The following CELF4 variants were observed in gnomAD, a reference collection of about 807,000 sequenced individuals.
CELF4 encodes the protein CUGBP Elav-like family member 4, also known as CUG-BP- and ETR-3-like factor 4.
In CELF4, 18 loss-of-function variants were observed where a neutral mutation model predicts 59.9. The observed-to-expected ratio is 0.30, with a 90% confidence interval of 0.21 to 0.45. The LOEUF (loss-of-function observed/expected upper bound fraction) is 0.45. Among genes scored for constraint, CELF4 ranks in the 20% least tolerant of loss-of-function variants. The probability of loss-of-function intolerance (pLI) is 1.00; values close to 1 mark genes in which losing one functional copy is unlikely to be tolerated. For missense variants in CELF4, 456 were observed against 689.0 expected (o/e 0.66, Z 3.79); for synonymous variants, 261 against 267.1 (o/e 0.98, Z 0.22).
intron 3 of CELF4, among the ~76,000 whole-genome samples, chr18:37,302,948 G>C (rs919146537): frequency 2.0e-5 from 3 of 152,136 alleles, no homozygotes; most frequent in Non-Finnish European, 4.4e-5. Context: ...ACAGAGGAGG[G>C]GTGGGAGAGG....
intron 2 of CELF4, among the ~76,000 whole-genome samples, chr18:37,352,884 G>T (rs540237067): frequency 6.6e-6 from 1 of 152,106 alleles, no homozygotes; most frequent in Non-Finnish European, 1.5e-5. Flanking sequence ...GTGGAACAGC[G>T]CCTTGCCATT....
At chr18:37,364,188 C>T (rs1348972816) in intron 2 of CELF4, among the ~76,000 whole-genome samples, 3 of 152,212 alleles carry the variant, frequency 2.0e-5, no homozygotes, top group African/African-American at 7.2e-5. Flanking sequence ...TCAGTGGGTG[C>T]ATGTGCCCCT....
At chr18:37,489,108 C>T (rs1009877347) in intron 1 of CELF4, among the ~76,000 whole-genome samples, 8 of 152,338 alleles carry the variant, frequency 5.3e-5, no homozygotes, top group Non-Finnish European at 1.0e-4. Flanking sequence ...GAGGCGGGAG[C>T]GGCTGGATAT....
intron 2 of CELF4, among the ~76,000 whole-genome samples, chr18:37,443,027 C>A (rs867153922): frequency 6.6e-6 from 1 of 152,170 alleles, no homozygotes; most frequent in Admixed American, 6.5e-5. Flanking sequence ...GACTTCTGCA[C>A]GTGTGGCCAA....
At chr18:37,409,339 A>T (rs1199760621) in intron 2 of CELF4, among the ~76,000 whole-genome samples, 1 of 152,124 alleles carries the variant, frequency 6.6e-6, no homozygotes, top group Non-Finnish European at 1.5e-5. Context: ...CTGAGGGGCA[A>T]ACTCACCATG....
chr18:37,259,442 C>A (rs904449547), intron 10 of CELF4, among the ~76,000 whole-genome samples, 178 bp from the exon 11 acceptor site: 1 of 152,162 alleles, frequency 6.6e-6, no homozygotes, highest in Non-Finnish European at 1.5e-5. Context: ...TGCTGAGCCC[C>A]GGGTCTGAGC....
intron 2 of CELF4, among the ~76,000 whole-genome samples, chr18:37,347,658 G>A (rs527922180): frequency 6.6e-6 from 1 of 152,278 alleles, no homozygotes; most frequent in South Asian, 2.1e-4. Flanking sequence ...CATCAAGCCA[G>A]CCCCAAACCT....
intron 1 of CELF4, among the ~76,000 whole-genome samples, chr18:37,535,976 C>G (rs1037127100): frequency 2.6e-5 from 4 of 152,162 alleles, no homozygotes; most frequent in Non-Finnish European, 5.9e-5. Context: ...ATCTCCCTCC[C>G]CACGCCCCTG....
At chr18:37,284,963 G>A (rs2154397089) in intron 3 of CELF4, among the ~76,000 whole-genome samples, 1 of 152,308 alleles carries the variant, frequency 6.6e-6, no homozygotes, top group Non-Finnish European at 1.5e-5. Context: ...CCAGGCAGAG[G>A]AGGGTACCGC....
chr18:37,443,703 C>T (rs9807173), intron 2 of CELF4, among the ~76,000 whole-genome samples: 34,069 of 151,876 alleles, frequency 0.22, 4,957 homozygotes, highest in East Asian at 0.45. Flanking sequence ...CCTGATTCCT[C>T]GGCTCCCTCT....
intron 3 of CELF4, among the ~76,000 whole-genome samples, chr18:37,317,346 T>C (rs1375902215): frequency 6.6e-6 from 1 of 152,204 alleles, no homozygotes; most frequent in Non-Finnish European, 1.5e-5. Context: ...AAGATCGTGC[T>C]ATCGCACTCC....
chr18:37,370,382 A>C (rs1382102702), intron 2 of CELF4, among the ~76,000 whole-genome samples: 1 of 152,096 alleles, frequency 6.6e-6, no homozygotes, highest in Admixed American at 6.6e-5. Flanking sequence ...GAATCATTAC[A>C]CTTAGAAGGG....
chr18:37,351,673 C>T (rs553297552), intron 2 of CELF4, among the ~76,000 whole-genome samples: 1 of 146,638 alleles, frequency 6.8e-6, no homozygotes, highest in South Asian at 2.1e-4. Flanking sequence ...TGCAGTGGTG[C>T]GATCTTGGCT....
intron 2 of CELF4, among the ~76,000 whole-genome samples, chr18:37,370,246 G>A (rs750368217): frequency 6.6e-6 from 1 of 152,140 alleles, no homozygotes; most frequent in Non-Finnish European, 1.5e-5. Context: ...CGAGCCCGAG[G>A]GGAAGGAGGA....
At chr18:37,498,508 T>C (rs2099927769) in intron 1 of CELF4, among the ~76,000 whole-genome samples, 4 of 142,692 alleles carry the variant, frequency 2.8e-5, no homozygotes, top group African/African-American at 7.8e-5. Context: ...ATTGCCTGAC[T>C]CCTCCCTCTT....
chr18:37,467,689 G>GT (rs1054870991), intron 2 of CELF4, among the ~76,000 whole-genome samples: 4 of 152,198 alleles, frequency 2.6e-5, no homozygotes, highest in Non-Finnish European at 5.9e-5. Context: ...AGCTGCCAGA[G>GT]TTCAGACAGA....
At chr18:37,371,025 C>G (rs540666970) in intron 2 of CELF4, among the ~76,000 whole-genome samples, 1 of 152,144 alleles carries the variant, frequency 6.6e-6, no homozygotes, top group African/African-American at 2.4e-5. Flanking sequence ...AGCACTTGCC[C>G]GTGGGCACAG....
chr18:37,562,091 C>T (rs936549417), intron 1 of CELF4, among the ~76,000 whole-genome samples: 8 of 152,092 alleles, frequency 5.3e-5, no homozygotes, highest in African/African-American at 1.7e-4. Flanking sequence ...TTTACCTTTA[C>T]AGTAATCACC....
At chr18:37,308,987 C>A (rs1006615787) in intron 3 of CELF4, among the ~76,000 whole-genome samples, 1 of 152,196 alleles carries the variant, frequency 6.6e-6, no homozygotes, top group Non-Finnish European at 1.5e-5. Context: ...CAGCTTCAGA[C>A]CCTCTTTGAG....
Sources: gnomAD v4.1 joint callset for allele counts (sites outside exome capture counted in the v4.1 genomes callset) on GRCh38, gnomAD v4.1.1 for gene constraint, MANE v1.5 for transcripts, NCBI Gene and HGNC (gene_info 2026-07-23, HGNC 2026-07-21) for gene names.